Variants in PEPD observed in about 807,000 individuals in gnomAD.
PEPD encodes the protein xaa-Pro dipeptidase.
A neutral mutation model predicts 60.7 loss-of-function variants in PEPD; 53 were observed. The ratio of observed to expected loss-of-function variants is 0.87; its 90% CI spans 0.70 to 1.10. PEPD has a LOEUF of 1.10. PEPD is among the 50% of genes least tolerant of loss of function. The pLI is 0.00. For synonymous variants in PEPD, 267 were observed against 284.1 expected (o/e 0.94, Z 0.60); for missense variants, 711 against 711.9 (o/e 1.00, Z 0.01).
intron 12 of PEPD, among the ~76,000 whole-genome samples, chr19:33,396,723 G>A (rs1256584733): frequency 1.3e-5 from 2 of 151,792 alleles, no homozygotes; most frequent in East Asian, 2.0e-4. Flanking sequence ...GGGGTGAGGA[G>A]AGAGGGAGCT....
chr19:33,391,663 G>A (rs1186439580), intron 12 of PEPD, among the ~76,000 whole-genome samples, 184 bp from the exon 13 acceptor site: 1 of 152,204 alleles, frequency 6.6e-6, no homozygotes, highest in African/African-American at 2.4e-5. Flanking sequence ...CCCCCGTGCT[G>A]GGCTTTCCCA....
At chr19:33,458,158 G>C (rs910099621) in intron 9 of PEPD, among the ~76,000 whole-genome samples, 24 of 151,474 alleles carry the variant, frequency 1.6e-4, no homozygotes, top group African/African-American at 5.6e-4. Flanking sequence ...GTGTGCATAT[G>C]GCTGTGGTGC....
intron 9 of PEPD, among the ~76,000 whole-genome samples, chr19:33,431,571 T>C (rs1460841604): frequency 1.3e-5 from 2 of 152,220 alleles, no homozygotes; most frequent in East Asian, 3.9e-4. Context: ...AAATTCTTCC[T>C]GGGAAGGACA....
intron 12 of PEPD, among the ~76,000 whole-genome samples, chr19:33,398,006 G>C (rs1968406019): frequency 1.3e-5 from 2 of 152,216 alleles, no homozygotes; most frequent in Non-Finnish European, 1.5e-5. Flanking sequence ...GGCCGCAGCA[G>C]GCTTTCCTGC....
Position 33,395,889 on chromosome 19 carries a change from C to T in PEPD, c.968-4410G>A, listed in dbSNP as rs572746840. Among the ~76,000 whole-genome samples, 13 of 152,272 alleles carry T rather than the reference C, an allele frequency of 8.5e-5. No homozygotes were observed. In the East Asian group the frequency reaches 1.5e-3, roughly 18 times the overall value. On this transcript the variant is annotated intron_variant, in intron 12 of 14. Transcript: ENST00000244137. Reference sequence around the variant, plus strand: ...GCCCTGAGGGCTGGCTGAGCTGGCACGGGGCTGAGGACCTCCAGCTCACCC... The same window carrying T: ...GCCCTGAGGGCTGGCTGAGCTGGCATGGGGCTGAGGACCTCCAGCTCACCC...
chr19:33,502,154 G>A (rs947032372), intron 3 of PEPD, among the ~76,000 whole-genome samples: 2 of 152,156 alleles, frequency 1.3e-5, no homozygotes, highest in African/African-American at 4.8e-5. Flanking sequence ...AAACTGCACA[G>A]GGGAGACACT....
At chr19:33,427,937 C>T (rs1427149427) in intron 9 of PEPD, among the ~76,000 whole-genome samples, 10 of 152,006 alleles carry the variant, frequency 6.6e-5, no homozygotes, top group Non-Finnish European at 1.2e-4. Context: ...GCAGCAGTGA[C>T]GGTGCCTGTA....
chr19:33,500,792 G>A, intron 4 of PEPD, 146 bp downstream of exon 4: 1 of 749,176 alleles, frequency 1.3e-6, no homozygotes. Context: ...CCTTCCAAAT[G>A]GGAGCACCTG....
At chr19:33,459,295 A>G (rs1364387149) in intron 9 of PEPD, among the ~76,000 whole-genome samples, 1 of 152,190 alleles carries the variant, frequency 6.6e-6, no homozygotes, top group East Asian at 1.9e-4. Context: ...GAGAAAGAGC[A>G]TAATTTCAAT....
intron 4 of PEPD, among the ~76,000 whole-genome samples, chr19:33,496,433 T>C (rs892415663): frequency 6.6e-6 from 1 of 152,042 alleles, no homozygotes; most frequent in African/African-American, 2.4e-5. Flanking sequence ...ACTGCTTGAG[T>C]GGGCCCTGGT....
chr19:33,492,390 A>AT (rs1183616876), intron 5 of PEPD, among the ~76,000 whole-genome samples: 1 of 152,026 alleles, frequency 6.6e-6, no homozygotes, highest in East Asian at 1.9e-4. Flanking sequence ...TCCTTTTTAA[A>AT]TTTTTTATTT....
rs1306770456 is a variant in PEPD, at chr19:33,467,007, A to T, written c.549-2945T>A. On this transcript the variant is annotated intron_variant, in intron 7 of 14. Coordinates refer to ENST00000244137, the MANE Select transcript of PEPD (RefSeq NM_000285.4). ...CCCATCTCTACTAAAAATACAAAAA[A>T]TTAGCTGGGCATGGTGGCGGGCGCC... is the stretch of plus-strand genomic sequence containing the variant. 6.6e-5 allele frequency among the ~76,000 whole-genome samples: 10 copies of T among 151,892 alleles called. No homozygotes were observed. In the South Asian group the frequency reaches 8.3e-4, roughly 13 times the overall value.
intron 7 of PEPD, among the ~76,000 whole-genome samples, chr19:33,476,227 G>A (rs890437595): frequency 6.6e-6 from 1 of 152,146 alleles, no homozygotes; most frequent in Admixed American, 6.5e-5. Flanking sequence ...TGTCTTCACA[G>A]AGTGTGGCTG....
intron 9 of PEPD, among the ~76,000 whole-genome samples, chr19:33,452,772 G>C (rs997371304): frequency 6.6e-6 from 1 of 152,126 alleles, no homozygotes; most frequent in Admixed American, 6.5e-5. Flanking sequence ...CAATCCCATA[G>C]GAAAATCTGA....
chr19:33,507,049 C>T (rs1198777805), intron 3 of PEPD, among the ~76,000 whole-genome samples: 4 of 151,968 alleles, frequency 2.6e-5, no homozygotes, highest in African/African-American at 7.3e-5. Flanking sequence ...CATATGCACA[C>T]ACAGCCCCCC....
chr19:33,478,692 A>C (rs1970265231), intron 6 of PEPD, among the ~76,000 whole-genome samples: 1 of 152,228 alleles, frequency 6.6e-6, no homozygotes, highest in South Asian at 2.1e-4. Context: ...GATTAAAAAA[A>C]AAAGTCCACC....
intron 3 of PEPD, among the ~76,000 whole-genome samples, chr19:33,503,446 C>G (rs888314483): frequency 6.6e-6 from 1 of 152,202 alleles, no homozygotes; most frequent in East Asian, 1.9e-4. Context: ...AGGTCTGACA[C>G]CTCCATTAGC....
At chr19:33,452,190 C>A (rs1049740236) in intron 9 of PEPD, among the ~76,000 whole-genome samples, 1 of 152,084 alleles carries the variant, frequency 6.6e-6, no homozygotes, top group African/African-American at 2.4e-5. Flanking sequence ...CAGCTAAAAA[C>A]CAAAAGGTCA....
chr19:33,502,540 G>A (rs752087170), intron 3 of PEPD, among the ~76,000 whole-genome samples: 28 of 152,114 alleles, frequency 1.8e-4, no homozygotes, highest in Non-Finnish European at 2.9e-5. Context: ...TGAGGCAGAT[G>A]GGAAATTGAA....
Sources: gnomAD v4.1 joint callset for allele counts (sites outside exome capture counted in the v4.1 genomes callset) on GRCh38, gnomAD v4.1.1 for gene constraint, MANE v1.5 for transcripts, NCBI Gene and HGNC (gene_info 2026-07-23, HGNC 2026-07-21) for gene names.